The following ABCG2 variants were observed in gnomAD, a reference collection of about 807,000 sequenced individuals.
ABCG2 encodes the protein ATP binding cassette subfamily G member 2 (JR blood group).
In ABCG2, 80 loss-of-function variants were observed where a neutral mutation model predicts 73.5. The observed-to-expected ratio is 1.09, with a 90% CI of 0.91 to 1.31. The LOEUF (loss-of-function observed/expected upper bound fraction) is 1.31. ABCG2 is among the 50% of genes most tolerant of loss of function. The pLI is 0.00. For synonymous variants in ABCG2, 269 were observed against 282.4 expected (o/e 0.95, Z 0.48); for missense variants, 796 against 786.2 (o/e 1.01, Z -0.15).
At chr4:88,159,135 G>A, upstream of ABCG2, 1 of 456,234 alleles carries the variant, frequency 2.2e-6, no homozygotes. Flanking sequence ...TCCCGCCTCC[G>A]GGATCGAACG....
chr4:88,211,561 A>G (rs145183083), intron 1 of ABCG2, among the ~76,000 whole-genome samples: 90 of 152,132 alleles, frequency 5.9e-4, no homozygotes, highest in African/African-American at 2.1e-3. Flanking sequence ...GGACTACCGG[A>G]GTACACCACC....
rs540686924 is a variant in ABCG2 at position 88,151,688 on chromosome 4, G to A, written c.-20+6698C>T. ...CGGGAGGTGGAGCTTGCAGTGAGCCGAGATGGCGCCACTGCACTCCAGCCT... is the reference window on the plus strand; with the variant it reads ...CGGGAGGTGGAGCTTGCAGTGAGCCAAGATGGCGCCACTGCACTCCAGCCT... On this transcript the variant is annotated intron_variant, in intron 1 of 15. Transcript: ENST00000237612. Among the ~76,000 whole-genome samples, 6 of 150,998 alleles carry A rather than the reference G, an allele frequency of 4.0e-5. No homozygotes were observed. The South Asian group carries it at 1.1e-3, about 27-fold the overall frequency.
In ABCG2 at chr4:88,198,028, CA is replaced by C. The variant is rs34030026; in HGVS notation, c.-20+32965del. Among the ~76,000 whole-genome samples the C allele has an allele frequency of 5.7e-3, 655 of 115,542 alleles. 7 individuals carry two copies. The highest frequency in any genetic ancestry group is 0.011 in the African/African-American group (334 of 30,492). 75.8% of individuals were successfully genotyped at this position (115,542 alleles called of 152,430 possible). On this transcript the variant is annotated intron_variant, in intron 1 of 15. Coordinates refer to the ABCG2 transcript ENST00000515655. ...CTGAGTGACGGAGCAAGACTGTCTCCAAAAAAAAAAAAAAAAAATCGTTTGT... is the reference window on the plus strand; with the variant it reads ...CTGAGTGACGGAGCAAGACTGTCTCCAAAAAAAAAAAAAAAAATCGTTTGT...
chr4:88,149,633 C>T (rs1365895459), intron 1 of ABCG2, among the ~76,000 whole-genome samples: 1 of 152,108 alleles, frequency 6.6e-6, no homozygotes, highest in Non-Finnish European at 1.5e-5. Flanking sequence ...AGGCGGATCA[C>T]ATGAGGTCGG....
At chr4:88,126,156 C>T (rs560892593) in intron 5 of ABCG2, among the ~76,000 whole-genome samples, 23 of 152,234 alleles carry the variant, frequency 1.5e-4, no homozygotes, top group African/African-American at 3.4e-4. Context: ...AACACCTCTA[C>T]GCAAATAAAC....
At chr4:88,152,201 A>C (rs906527890) in intron 1 of ABCG2, among the ~76,000 whole-genome samples, 1 of 152,190 alleles carries the variant, frequency 6.6e-6, no homozygotes, top group African/African-American at 2.4e-5. Context: ...TTTGAGAAAA[A>C]AATGGGAGCT....
At chr4:88,143,335 A>C (rs1252826932) in intron 1 of ABCG2, among the ~76,000 whole-genome samples, 1 of 152,156 alleles carries the variant, frequency 6.6e-6, no homozygotes, top group Non-Finnish European at 1.5e-5. Flanking sequence ...CAACACTAGC[A>C]ATCACTTCTT....
intron 2 of ABCG2, among the ~76,000 whole-genome samples, chr4:88,137,159 G>T (rs1203767592): frequency 6.6e-6 from 1 of 152,072 alleles, no homozygotes; most frequent in Non-Finnish European, 1.5e-5. Context: ...GAGTATGAAG[G>T]TAAAACATAA....
Position 88,204,764 on chromosome 4 carries a change from T to G in ABCG2, c.-20+26230A>C, listed in dbSNP as rs573043006. 2.0e-4 allele frequency among the ~76,000 whole-genome samples: 31 copies of G among 152,354 alleles called. No homozygotes were observed. In the South Asian group the frequency reaches 6.4e-3, roughly 32 times the overall value. ...GTTTTAAAGGAATAAGAAGACTGGT[T>G]GCTTTTGGCAGAAGGGAATTTGTCA... is the stretch of plus-strand genomic sequence containing the variant. On this transcript the variant is annotated intron_variant, in intron 1 of 15. Transcript: ENST00000515655.
intron 1 of ABCG2, among the ~76,000 whole-genome samples, chr4:88,177,135 G>T (rs1408834018): frequency 6.6e-6 from 1 of 152,202 alleles, no homozygotes; most frequent in Non-Finnish European, 1.5e-5. Context: ...CACTTTGGGA[G>T]GCCGAGGTGG....
At chr4:88,137,878 G>A (rs1406223645) in intron 2 of ABCG2, among the ~76,000 whole-genome samples, 1 of 152,212 alleles carries the variant, frequency 6.6e-6, no homozygotes, top group East Asian at 1.9e-4. Flanking sequence ...CATCAGGCCA[G>A]GTGCAGTGGC....
At chr4:88,132,719 T>C in intron 2 of ABCG2, 84 bp from the exon 3 acceptor site, 1 of 1,400,904 alleles carries the variant, frequency 7.1e-7, no homozygotes, top group Non-Finnish European at 1.0e-6. Flanking sequence ...ATATACTCAA[T>C]GAAGGTTGAT....
chr4:88,177,652 T>C (rs1728063074), intron 1 of ABCG2, among the ~76,000 whole-genome samples: 1 of 152,046 alleles, frequency 6.6e-6, no homozygotes, highest in Non-Finnish European at 1.5e-5. Context: ...CTTCATATCA[T>C]TGAAAGCAAC....
intron 10 of ABCG2, among the ~76,000 whole-genome samples, chr4:88,104,403 C>T (rs569120821): frequency 2.6e-5 from 4 of 152,180 alleles, no homozygotes; most frequent in Admixed American, 2.6e-4. Flanking sequence ...AACATTTTTT[C>T]CTCATCAATA....
At position 88,131,192 on chromosome 4, in the gene ABCG2, G is replaced by C. The variant is rs1724846906; in HGVS notation, c.400C>G (p.Leu134Val). Residue 134 changes from leucine to valine, a missense_variant, in exon 5 of 16, where the codon CTG (leucine) becomes GTG (valine). Coordinates refer to ENST00000237612, the MANE Select transcript of ABCG2 (RefSeq NM_004827.3). The part of the protein sequence containing the change: ...VVQDDVVMGT[L>V]TVRENLQFSA... Reference sequence around the variant, plus strand: ...AACTGTAAGTTTTCTCTCACCGTCAGAGTGCCCATCACAACATCATCCTTA... The same window carrying C: ...AACTGTAAGTTTTCTCTCACCGTCACAGTGCCCATCACAACATCATCCTTA... 6.2e-7 allele frequency: 1 copy of C among 1,614,002 alleles called. No individual in the cohort carries two copies. Among genetic ancestry groups the C allele is most frequent in the African/African-American group, 1.3e-5 (1 of 75,012 alleles).
At chr4:88,201,180 AATTT>A (rs1729149000) in intron 1 of ABCG2, among the ~76,000 whole-genome samples, 1 of 143,038 alleles carries the variant, frequency 7.0e-6, no homozygotes, top group Non-Finnish European at 1.5e-5. Context: ...AGATCAATAA[AATTT>A]ATAAGTCTCC....
At chr4:88,120,459 T>C (rs1723892052) in intron 6 of ABCG2, among the ~76,000 whole-genome samples, 1 of 152,198 alleles carries the variant, frequency 6.6e-6, no homozygotes, top group African/African-American at 2.4e-5. Flanking sequence ...CAAAAGGGGC[T>C]GTGCCCTGCA....
chr4:88,181,177 G>A (rs1194011840), intron 1 of ABCG2, among the ~76,000 whole-genome samples: 1 of 151,792 alleles, frequency 6.6e-6, no homozygotes, highest in Non-Finnish European at 1.5e-5. Context: ...TGAGGTGGAC[G>A]GATCATGAAG....
intron 1 of ABCG2, among the ~76,000 whole-genome samples, chr4:88,195,585 T>C (rs1728910365): frequency 6.6e-6 from 1 of 152,196 alleles, no homozygotes; most frequent in Admixed American, 6.5e-5. Context: ...AGACAACTTT[T>C]AGAGCAGGAG....
Sources: allele counts gnomAD v4.1 joint callset (sites outside exome capture counted in the v4.1 genomes callset), GRCh38; gene constraint gnomAD v4.1.1; transcripts MANE v1.5; gene names NCBI Gene and HGNC (gene_info 2026-07-23, HGNC 2026-07-21).